PRKG1: variants seen among roughly 807,000 people sequenced by gnomAD.
PRKG1 encodes the protein protein kinase cGMP-dependent 1, also known as cGMP-dependent protein kinase 1.
PRKG1 carries 35 observed loss-of-function variants against 88.1 expected under a neutral mutation model. That is an observed-to-expected ratio of 0.40 (90% CI 0.30 to 0.53). PRKG1 has a LOEUF of 0.53. Among genes scored for constraint, PRKG1 ranks in the 20% least tolerant of loss-of-function variants. The probability of loss-of-function intolerance (pLI) is 0.59; values close to 1 mark genes in which losing one functional copy is unlikely to be tolerated. For synonymous variants in PRKG1, 303 were observed against 292.5 expected (o/e 1.04, Z -0.37); for missense variants, 540 against 839.8 (o/e 0.64, Z 4.41).
intron 3 of PRKG1, among the ~76,000 whole-genome samples, chr10:51,627,789 G>C (rs1766227470): frequency 6.6e-6 from 1 of 151,998 alleles, no homozygotes; most frequent in African/African-American, 2.4e-5. Context: ...CACCTAGAAA[G>C]CCTTCTGAAA....
intron 2 of PRKG1, among the ~76,000 whole-genome samples, chr10:51,197,075 A>G (rs972914514): frequency 6.6e-6 from 1 of 152,190 alleles, no homozygotes; most frequent in East Asian, 1.9e-4. Flanking sequence ...TGTCTTTGGT[A>G]TGGCTTTAAT....
At chr10:51,665,738 T>A (rs532507119) in intron 3 of PRKG1, among the ~76,000 whole-genome samples, 31 of 152,256 alleles carry the variant, frequency 2.0e-4, no homozygotes, top group African/African-American at 6.7e-4. Flanking sequence ...TCTTCCTTCA[T>A]TTTTTAAAAT....
intron 10 of PRKG1, among the ~76,000 whole-genome samples, chr10:52,264,423 C>T (rs1018270861): frequency 1.3e-4 from 20 of 151,584 alleles, no homozygotes; most frequent in African/African-American, 4.6e-4. Flanking sequence ...TTCTTTTCTT[C>T]CTTTGCAGAA....
At chr10:51,677,263 C>T (rs140005002) in intron 3 of PRKG1, among the ~76,000 whole-genome samples, 231 of 152,072 alleles carry the variant, frequency 1.5e-3, no homozygotes, top group African/African-American at 5.0e-3. Context: ...ACCATAAAAC[C>T]CACTCTACTA....
At chr10:52,224,579 G>GTCT (rs57508591) in intron 9 of PRKG1, among the ~76,000 whole-genome samples, 58,139 of 103,154 alleles carry the variant, frequency 0.56, 17,441 homozygotes, top group East Asian at 0.71. Flanking sequence ...CATATTTGTA[G>GTCT]TCTATCCTTC....
chr10:51,656,960 G>C (rs1303040749), intron 3 of PRKG1, among the ~76,000 whole-genome samples: 4 of 152,088 alleles, frequency 2.6e-5, no homozygotes, highest in Non-Finnish European at 5.9e-5. Context: ...GTGTGGCCTT[G>C]GGCAAGTTAC....
intron 4 of PRKG1, among the ~76,000 whole-genome samples, chr10:51,852,331 C>CATAT (rs1249846441): frequency 2.0e-5 from 3 of 148,584 alleles, no homozygotes; most frequent in African/African-American, 5.0e-5. Context: ...TATATATATA[C>CATAT]ATATACACAC....
chr10:51,919,347 A>G (rs1164073763), intron 5 of PRKG1, among the ~76,000 whole-genome samples: 1 of 152,108 alleles, frequency 6.6e-6, no homozygotes, highest in African/African-American at 2.4e-5. Flanking sequence ...GTGAGAAAGG[A>G]TGTTCTGTTT....
chr10:51,285,034 A>C (rs4041310), intron 2 of PRKG1, among the ~76,000 whole-genome samples: 4 of 1,946 alleles, frequency 2.1e-3, no homozygotes, highest in Non-Finnish European at 6.6e-3. Flanking sequence ...TCCCAATGCT[A>C]CCCCTCCCGC....
chr10:51,259,605 C>T (rs1839651536), intron 2 of PRKG1, among the ~76,000 whole-genome samples: 1 of 152,146 alleles, frequency 6.6e-6, no homozygotes, highest in South Asian at 2.1e-4. Flanking sequence ...TCCTGAGTAG[C>T]TGGGATTATA....
chr10:51,159,679 G>A (rs1846312312), intron 2 of PRKG1, among the ~76,000 whole-genome samples: 1 of 152,116 alleles, frequency 6.6e-6, no homozygotes, highest in Non-Finnish European at 1.5e-5. Flanking sequence ...ATTTTGGGGT[G>A]CCATGCTTCA....
intron 3 of PRKG1, among the ~76,000 whole-genome samples, chr10:51,484,885 C>A (rs7088680): frequency 0.37 from 56,492 of 152,046 alleles, 12,151 homozygotes; most frequent in East Asian, 0.84. Context: ...TTAAGTACGT[C>A]CAGATTCTAT....
intron 5 of PRKG1, among the ~76,000 whole-genome samples, chr10:51,969,341 T>A (rs1017515333): frequency 1.3e-5 from 2 of 152,122 alleles, no homozygotes; most frequent in African/African-American, 4.8e-5. Flanking sequence ...GGTGGAACTG[T>A]GATTCATTCA....
intron 3 of PRKG1, chr10:51,698,110 G>A: frequency 6.2e-7 from 1 of 1,614,048 alleles, no homozygotes; most frequent in South Asian, 1.1e-5. Context: ...CTATATTAAT[G>A]GGACCAGGAC....
chr10:51,396,597 C>T lies in PRKG1; in HGVS notation c.479-71126C>T, dbSNP rs374483643. ...CGCTGTGGACCACTGAGTCTAACCA[C>T]AGGGAGTTGAATCCAGGCTTGACCA... On this transcript the variant is annotated intron_variant, in intron 2 of 17. Coordinates refer to ENST00000373980, the MANE Select transcript of PRKG1 (RefSeq NM_006258.4). Among the ~76,000 whole-genome samples, 6 of 152,286 alleles carry T rather than the reference C, an allele frequency of 3.9e-5. No homozygotes were observed. In the East Asian group the frequency reaches 7.7e-4, roughly 20 times the overall value.
intron 7 of PRKG1, among the ~76,000 whole-genome samples, chr10:52,131,804 G>A (rs1277366938): frequency 1.1e-5 from 1 of 92,778 alleles, no homozygotes; most frequent in Admixed American, 1.8e-4. Context: ...GGCAACAAGA[G>A]CGAAACTCCA....
chr10:52,291,654 C>G (rs374691151), intron 17 of PRKG1, among the ~76,000 whole-genome samples: 5 of 152,004 alleles, frequency 3.3e-5, no homozygotes, highest in Admixed American at 2.0e-4. Flanking sequence ...GTCTATCATT[C>G]TTGGACATTT....
intron 2 of PRKG1, among the ~76,000 whole-genome samples, chr10:51,287,063 A>G (rs572549616): frequency 2.0e-5 from 3 of 152,128 alleles, no homozygotes; most frequent in East Asian, 3.9e-4. Context: ...TTTTTTGTAG[A>G]GATGGGATTT....
intron 3 of PRKG1, among the ~76,000 whole-genome samples, chr10:51,722,019 CAGGAG>C (rs1842025196): frequency 1.3e-5 from 2 of 152,158 alleles, no homozygotes; most frequent in African/African-American, 4.8e-5. Context: ...CTCAAGAGGT[CAGGAG>C]TTCAAGACCA....
Sources: allele counts gnomAD v4.1 joint callset (sites outside exome capture counted in the v4.1 genomes callset), GRCh38; gene constraint gnomAD v4.1.1; transcripts MANE v1.5; gene names NCBI Gene and HGNC (gene_info 2026-07-23, HGNC 2026-07-21).